SEC24A: variants seen among roughly 807,000 people sequenced by gnomAD.
SEC24A encodes SEC24 homolog A, COPII component, also known as protein transport protein Sec24A.
A neutral mutation model predicts 129.4 loss-of-function variants in SEC24A; 93 were observed. The ratio of observed to expected loss-of-function variants is 0.72; its 90% confidence interval spans 0.61 to 0.85. The LOEUF is 0.85. Among genes scored for constraint, SEC24A ranks in the 40% least tolerant of loss-of-function variants. The probability of loss-of-function intolerance (pLI) is 0.00; values close to 1 mark genes in which losing one functional copy is unlikely to be tolerated. For synonymous variants in SEC24A, 460 were observed against 467.3 expected, an observed-to-expected ratio of 0.98 and a Z score of 0.20; for missense variants, 1,264 against 1,307.4, an observed-to-expected ratio of 0.97 and a Z score of 0.51.
intron 3 of SEC24A, among the ~76,000 whole-genome samples, chr5:134,669,351 A>G (rs999703482): frequency 1.1e-4 from 16 of 151,050 alleles, no homozygotes; most frequent in Admixed American, 6.6e-5. Flanking sequence ...TTTTTAGTAG[A>G]GATGGGGTTT....
At chr5:134,692,915 C>T (rs1386628730) in intron 12 of SEC24A, 1 of 847,370 alleles carries the variant, frequency 1.2e-6, no homozygotes, top group Non-Finnish European at 1.9e-6. Flanking sequence ...TGAAGGAAAT[C>T]TGTCTTGTCA....
chr5:134,674,998 C>A, intron 5 of SEC24A, 47 bp from the exon 6 acceptor site: 1 of 1,457,162 alleles, frequency 6.9e-7, no homozygotes, highest in East Asian at 2.3e-5. Context: ...AACCACTTCC[C>A]TACACACTTA....
At chr5:134,689,745 C>A (rs562611142) in intron 11 of SEC24A, among the ~76,000 whole-genome samples, 85 of 146,792 alleles carry the variant, frequency 5.8e-4, no homozygotes, top group African/African-American at 2.1e-3. Flanking sequence ...GCCTGGACGA[C>A]AGAGTGAGAC....
intron 1 of SEC24A, among the ~76,000 whole-genome samples, chr5:134,655,713 A>G (rs1168968663): frequency 1.3e-5 from 2 of 152,156 alleles, no homozygotes. Context: ...CTTCCTGGTT[A>G]TTAAATAGAA....
At chr5:134,699,301 CTTT>C (rs1208203003) in intron 15 of SEC24A, among the ~76,000 whole-genome samples, 1 of 138,362 alleles carries the variant, frequency 7.2e-6, no homozygotes, top group African/African-American at 2.8e-5. Flanking sequence ...CCATTTTATC[CTTT>C]TTTTTTTTTT....
At chr5:134,668,755 G>C (rs1750753786) in intron 3 of SEC24A, among the ~76,000 whole-genome samples, 1 of 151,454 alleles carries the variant, frequency 6.6e-6, no homozygotes, top group Admixed American at 6.6e-5. Context: ...AATTAGCCAG[G>C]AGTGGTGGTG....
chr5:134,648,745 C>T (rs1749940909), upstream of SEC24A: 6 of 191,692 alleles, frequency 3.1e-5, no homozygotes, highest in South Asian at 6.8e-4. Context: ...GGAAGTGCCA[C>T]GTGTCCTGAT....
rs111854486 is a variant in SEC24A, at chr5:134,714,206, T to C, written c.2728-818T>C. ...TTGTTTATTAGTATTCTTTGTTACA[T>C]TGTTTGTATGGTGGGAGAATCAATG... On this transcript the variant is annotated intron_variant, in intron 18 of 22. Coordinates refer to ENST00000398844, the MANE Select transcript of SEC24A (RefSeq NM_021982.3). Among the ~76,000 whole-genome samples, 558 of 152,252 alleles carry C rather than the reference T, an allele frequency of 3.7e-3. 3 individuals carry two copies. The highest frequency in any genetic ancestry group is 0.013 in the African/African-American group (534 of 41,540).
rs766045028 is a variant in SEC24A, at chr5:134,679,603, A to G, written c.1256A>G (p.Gln419Arg). 6.5e-7 allele frequency: 1 copy of G among 1,545,912 alleles called. No homozygotes were observed. The highest frequency in any genetic ancestry group is 1.9e-5 in the Admixed American group (1 of 51,822). Residue 419 changes from glutamine to arginine, a missense_variant and splice_region_variant, in exon 8 of 23, where the codon CAA (glutamine) becomes CGA (arginine). Gln to Arg is a conservative substitution (Grantham distance 43). Coordinates refer to ENST00000398844, the MANE Select transcript of SEC24A (RefSeq NM_021982.3). ...LLLHPFKDLV[Q>R]LPVVTSSTIV... ...TTAATTCTGTTTTTTTTTTTCCAGC[A>G]ATTGCCTGTGGTTACCTCCAGTACA...
Position 134,648,995 on chromosome 5 carries a change from C to T in SEC24A, c.-82C>T, listed in dbSNP as rs1029837796. On this transcript the variant is annotated 5_prime_UTR_variant, in exon 1 of 23. Transcript: ENST00000398844. ...TCAGTCTTAAGTCGTTAGCCTCCTC[C>T]CTCCGCTTTCAGCAGTGGTCTTTCA... The T allele has an allele frequency of 4.0e-6, 4 of 1,009,948 alleles. No homozygotes were observed. Among genetic ancestry groups the T allele is most frequent in the Non-Finnish European group, 6.0e-6 (4 of 666,842 alleles). 62.6% of individuals were successfully genotyped at this position (1,009,948 alleles called of 1,614,324 possible).
intron 15 of SEC24A, among the ~76,000 whole-genome samples, chr5:134,698,406 C>G (rs749923242): frequency 6.6e-6 from 1 of 152,008 alleles, no homozygotes; most frequent in African/African-American, 2.4e-5. Flanking sequence ...GAATTAGAGA[C>G]GAGCCTGGAC....
intron 18 of SEC24A, among the ~76,000 whole-genome samples, chr5:134,714,101 AATAACAGTTAAAT>A (rs1752410427): frequency 6.6e-6 from 1 of 152,138 alleles, no homozygotes; most frequent in Non-Finnish European, 1.5e-5. Flanking sequence ...TAAAGAAAAT[AATAACAGTTAAAT>A]ATCATAGTTA....
Position 134,715,130 on chromosome 5 carries a change from GTTTGT to G in SEC24A, c.2835_2839del (p.Ser945ArgfsTer2). The G allele has an allele frequency of 6.2e-7, 1 of 1,608,928 alleles. No individual in the cohort carries two copies. Among genetic ancestry groups the G allele is most frequent in the Non-Finnish European group, 8.5e-7 (1 of 1,178,812 alleles). ...TACCTTATGCTCACAACTCATCCCAGTTTGTATAGAGTTGACAATCTCTCAGATGA... is the reference window on the plus strand; with the variant it reads ...TACCTTATGCTCACAACTCATCCCAGATAGAGTTGACAATCTCTCAGATGA... On this transcript the variant is annotated frameshift_variant, in exon 19 of 23. Coordinates refer to ENST00000398844, the MANE Select transcript of SEC24A (RefSeq NM_021982.3). LOFTEE classifies it high-confidence loss of function.
chr5:134,713,010 C>A (rs1006622166), intron 18 of SEC24A, among the ~76,000 whole-genome samples: 14 of 144,312 alleles, frequency 9.7e-5, no homozygotes, highest in Non-Finnish European at 1.9e-4. Context: ...CGGCTCACTG[C>A]AAGCTCCGCC....
At chr5:134,655,114 G>GGT (rs1173755268) in intron 1 of SEC24A, among the ~76,000 whole-genome samples, 2 of 152,102 alleles carry the variant, frequency 1.3e-5, no homozygotes, top group African/African-American at 4.8e-5. Flanking sequence ...TGAGATTACA[G>GGT]GTGTGAGCCA....
At chr5:134,669,227 T>C (rs1750769136) in intron 3 of SEC24A, among the ~76,000 whole-genome samples, 2 of 149,398 alleles carry the variant, frequency 1.3e-5, no homozygotes, top group East Asian at 2.0e-4. Flanking sequence ...AGTGCAATGG[T>C]GCGATCTCGG....
chr5:134,662,295 C>T (rs1750497678), intron 2 of SEC24A, among the ~76,000 whole-genome samples: 2 of 152,162 alleles, frequency 1.3e-5, no homozygotes, highest in South Asian at 4.2e-4. Context: ...GCTGGGACTA[C>T]AGGTGCCCGC....
chr5:134,727,848 T>C lies in SEC24A; in HGVS notation c.*2754T>C, dbSNP rs1158667615. ...AGTCATTTGTAACCCATGCAGACCATTGTTTGATCTATGCTAACTTATCAA... is the reference window on the plus strand; with the variant it reads ...AGTCATTTGTAACCCATGCAGACCACTGTTTGATCTATGCTAACTTATCAA... On this transcript the variant is annotated 3_prime_UTR_variant, in exon 23 of 23. Transcript: ENST00000398844. The C allele has an allele frequency of 1.3e-5, 2 of 152,570 alleles. No individual in the cohort carries two copies. The highest frequency in any genetic ancestry group is 1.9e-4 in the East Asian group (1 of 5,192). The allele number at this position is 152,570 out of a possible 1,614,324, so 9.5% of individuals were successfully genotyped here.
Position 134,703,857 on chromosome 5 carries a change from A to G in SEC24A, c.2365A>G (p.Met789Val), listed in dbSNP as rs1364647435. 1 of 1,612,406 alleles carries G rather than the reference A, an allele frequency of 6.2e-7. No individual in the cohort carries two copies. The highest frequency in any genetic ancestry group is 1.7e-5 in the Admixed American group (1 of 59,984). ...VNPDAGYAVQ[M>V]SVEESLTDTQ... ...CCCAGACGCTGGGTATGCAGTACAG[A>G]TGTCAGTGGAAGAGAGTCTTACTGA... Residue 789 changes from methionine (M) to valine (V), a missense_variant, in exon 16 of 23, where the codon ATG (methionine) becomes GTG (valine). Coordinates refer to ENST00000398844, the MANE Select transcript of SEC24A (RefSeq NM_021982.3).
Sources: gnomAD v4.1 joint callset for allele counts (sites outside exome capture counted in the v4.1 genomes callset) on GRCh38, gnomAD v4.1.1 for gene constraint, MANE v1.5 for transcripts, NCBI Gene and HGNC (gene_info 2026-07-23, HGNC 2026-07-21) for gene names.